Variants in FAM107B observed in about 807,000 individuals in gnomAD.
FAM107B encodes the protein protein FAM107B.
In FAM107B, 21 loss-of-function variants were observed where a neutral mutation model predicts 31.5. The observed-to-expected ratio is 0.67, with a 90% confidence interval of 0.47 to 0.96. The LOEUF (loss-of-function observed/expected upper bound fraction) is 0.96, where lower values mean the gene tolerates loss of function less well. Among genes scored for constraint, FAM107B ranks in the 40% least tolerant of loss-of-function variants. FAM107B has a pLI of 0.00. For missense variants in FAM107B, 452 were observed against 377.1 expected, an observed-to-expected ratio of 1.20 and a Z score of -1.64; for synonymous variants, 157 against 141.5, an observed-to-expected ratio of 1.11 and a Z score of -0.78.
At chr10:14,705,988 C>A (rs1479751617) in intron 1 of FAM107B, among the ~76,000 whole-genome samples, 1 of 152,182 alleles carries the variant, frequency 6.6e-6, no homozygotes, top group Non-Finnish European at 1.5e-5. Flanking sequence ...CGCACTCTTG[C>A]TAAACTCCTA....
intron 1 of FAM107B, among the ~76,000 whole-genome samples, chr10:14,684,483 G>C (rs914006804): frequency 6.6e-6 from 1 of 151,974 alleles, no homozygotes; most frequent in African/African-American, 2.4e-5. Flanking sequence ...AAAATAAAAT[G>C]GCAACAATTC....
rs1423628622 is a variant in FAM107B, at chr10:14,774,291, C to G, written c.373G>C (p.Ala125Pro). The G allele has an allele frequency of 1.2e-6, 2 of 1,613,660 alleles. No homozygotes were observed. Among genetic ancestry groups the G allele is most frequent in the South Asian group, 2.2e-5 (2 of 91,026 alleles). ...ATAATTGATGGTCTGGGGATGGAAG[C>G]GTGAAACACCACTGCTTCACAGTCC... ...GADCEAVVFH[A>P]SIPRPSIIDT... Residue 125 changes from alanine to proline, a missense_variant, in exon 1 of 5, where the codon GCT becomes CCT. By Grantham distance (27) the Ala-to-Pro change is conservative (BLOSUM62 -1). Transcript: ENST00000181796.
At chr10:14,601,688 G>C (rs76732955) in intron 2 of FAM107B, among the ~76,000 whole-genome samples, 3,916 of 152,276 alleles carry the variant, frequency 0.026, 77 homozygotes, top group Non-Finnish European at 0.039. Flanking sequence ...CCAAAATCTA[G>C]ATCTCACTTA....
At chr10:14,576,529 A>AAACAACAACAACAACAAC (rs113340570) in intron 2 of FAM107B, among the ~76,000 whole-genome samples, 46 of 147,194 alleles carry the variant, frequency 3.1e-4, no homozygotes, top group East Asian at 5.9e-4. Context: ...TACATCTCAA[A>AAACAACAACAACAACAAC]AACAACAACA....
chr10:14,558,497 A>T (rs1383120321), intron 2 of FAM107B, among the ~76,000 whole-genome samples: 1 of 152,258 alleles, frequency 6.6e-6, no homozygotes, highest in Non-Finnish European at 1.5e-5. Context: ...TTATACAGCC[A>T]AAAGAATGAC....
At chr10:14,563,394 C>T (rs1198606044) in intron 2 of FAM107B, among the ~76,000 whole-genome samples, 1 of 152,114 alleles carries the variant, frequency 6.6e-6, no homozygotes, top group East Asian at 1.9e-4. Context: ...ACAATACACA[C>T]CTCTTTTCAT....
At chr10:14,761,882 C>T (rs999116600) in intron 1 of FAM107B, among the ~76,000 whole-genome samples, 4 of 152,134 alleles carry the variant, frequency 2.6e-5, no homozygotes, top group East Asian at 1.9e-4. Flanking sequence ...TACAGGCATC[C>T]GCCACCGCAC....
intron 2 of FAM107B, among the ~76,000 whole-genome samples, chr10:14,664,144 C>A (rs1042246000): frequency 2.0e-5 from 3 of 152,180 alleles, no homozygotes; most frequent in Non-Finnish European, 4.4e-5. Flanking sequence ...TGTTTCAGCA[C>A]ATGCTGTATT....
At chr10:14,546,583 G>T (rs973864560) in intron 2 of FAM107B, among the ~76,000 whole-genome samples, 1 of 152,140 alleles carries the variant, frequency 6.6e-6, no homozygotes, top group East Asian at 1.9e-4. Context: ...CTACCCATCT[G>T]CCTTTTTTAA....
At chr10:14,671,882 AAAC>A (rs201627423) in intron 1 of FAM107B, among the ~76,000 whole-genome samples, 24,357 of 87,768 alleles carry the variant, frequency 0.28, 2,216 homozygotes, top group Middle Eastern at 0.35. Flanking sequence ...TAAAAAAAAA[AAAC>A]AAAAAAACAA....
At chr10:14,562,697 A>G (rs959257886) in intron 2 of FAM107B, among the ~76,000 whole-genome samples, 2 of 152,222 alleles carry the variant, frequency 1.3e-5, no homozygotes, top group Non-Finnish European at 2.9e-5. Context: ...TCCAGGGGTA[A>G]GCAGGGAACT....
intron 2 of FAM107B, among the ~76,000 whole-genome samples, chr10:14,640,534 G>A (rs1449100157): frequency 6.6e-6 from 1 of 152,176 alleles, no homozygotes; most frequent in Non-Finnish European, 1.5e-5. Flanking sequence ...GCTCTGAGAT[G>A]AGCCCAGTGT....
At chr10:14,654,427 G>A (rs1472254887) in intron 2 of FAM107B, among the ~76,000 whole-genome samples, 1 of 152,072 alleles carries the variant, frequency 6.6e-6, no homozygotes, top group Non-Finnish European at 1.5e-5. Context: ...ATTAATGAAA[G>A]CCATAATTCA....
intron 3 of FAM107B, among the ~76,000 whole-genome samples, chr10:14,527,089 G>A (rs12779738): frequency 0.17 from 25,298 of 151,572 alleles, 2,528 homozygotes; most frequent in Middle Eastern, 0.27. Context: ...CACCCGCCTC[G>A]GCCTCCCAAA....
At chr10:14,772,918 T>C (rs192969307) in intron 1 of FAM107B, among the ~76,000 whole-genome samples, 7 of 152,334 alleles carry the variant, frequency 4.6e-5, no homozygotes, top group Admixed American at 4.6e-4. Context: ...TGGGTCTGCA[T>C]TGCTCAACAG....
intron 2 of FAM107B, among the ~76,000 whole-genome samples, chr10:14,622,332 G>A (rs550026477): frequency 2.7e-5 from 4 of 147,640 alleles, no homozygotes; most frequent in African/African-American, 1.0e-4. Flanking sequence ...TTTTGAGATG[G>A]AGTCTCGCTG....
At chr10:14,671,114 T>G (rs183214140) in intron 1 of FAM107B, among the ~76,000 whole-genome samples, 2 of 152,304 alleles carry the variant, frequency 1.3e-5, no homozygotes, top group East Asian at 3.9e-4. Context: ...TGGTTTTCTG[T>G]GCTCCGTGAA....
chr10:14,554,239 C>A (rs780867334), intron 2 of FAM107B: 1 of 752,460 alleles, frequency 1.3e-6, no homozygotes, highest in Non-Finnish European at 1.6e-6. Context: ...TACTTCCCAC[C>A]TACCTTATGG....
At chr10:14,682,824 G>A (rs1195573804) in intron 1 of FAM107B, among the ~76,000 whole-genome samples, 1 of 151,718 alleles carries the variant, frequency 6.6e-6, no homozygotes, top group Non-Finnish European at 1.5e-5. Context: ...AAACCACTAT[G>A]GCACATGTAT....
Sources: allele counts gnomAD v4.1 joint callset (sites outside exome capture counted in the v4.1 genomes callset), GRCh38; gene constraint gnomAD v4.1.1; transcripts MANE v1.5; gene names NCBI Gene and HGNC (gene_info 2026-07-23, HGNC 2026-07-21).